The following LIN28A variants were observed in gnomAD, a reference collection of about 807,000 sequenced individuals.
LIN28A encodes protein lin-28 homolog A.
LIN28A carries 11 observed loss-of-function variants against 21.1 expected under a neutral mutation model. The ratio of observed to expected loss-of-function variants is 0.52; its 90% CI spans 0.33 to 0.86. The LOEUF is 0.86. LIN28A is among the 40% of genes least tolerant of loss of function. LIN28A has a pLI of 0.03. For synonymous variants in LIN28A, 111 were observed against 108.7 expected, an observed-to-expected ratio of 1.02 and a Z score of -0.13; for missense variants, 219 against 279.8, an observed-to-expected ratio of 0.78 and a Z score of 1.55.
chr1:26,411,121 A>G lies in LIN28A; in HGVS notation c.31+199A>G, dbSNP rs887216411. Among the ~76,000 whole-genome samples the G allele has an allele frequency of 6.6e-6, 1 of 152,052 alleles. No homozygotes were observed. The highest frequency in any genetic ancestry group is 2.4e-5 in the African/African-American group (1 of 41,384). ...CGCGCCAGACTACGTGGGTGGATGG[A>G]GAGGAGAGGCTTGTCCCGCCGTGAG... is the stretch of plus-strand genomic sequence containing the variant. On this transcript the variant is annotated intron_variant, in intron 1 of 3. Coordinates refer to ENST00000326279, the MANE Select transcript of LIN28A (RefSeq NM_024674.6). The surrounding 1 kb of genome is among the most constrained non-coding windows in gnomAD (Gnocchi z 5.4).
At chr1:26,413,891 G>A (rs2074977833) in intron 2 of LIN28A, among the ~76,000 whole-genome samples, 1 of 137,988 alleles carries the variant, frequency 7.2e-6, no homozygotes, top group Non-Finnish European at 1.5e-5. Flanking sequence ...GCAATGGCAT[G>A]ATCTCCACTC....
chr1:26,419,252 G>A (rs1279577017), intron 2 of LIN28A, among the ~76,000 whole-genome samples: 1 of 151,762 alleles, frequency 6.6e-6, no homozygotes, highest in Non-Finnish European at 1.5e-5. Flanking sequence ...TTTAGAAAGG[G>A]GCGGGGGAGG....
At chr1:26,412,635 C>T (rs916847614) in intron 2 of LIN28A, among the ~76,000 whole-genome samples, 1 of 151,466 alleles carries the variant, frequency 6.6e-6, no homozygotes, top group Non-Finnish European at 1.5e-5. Context: ...ACACCCAGGC[C>T]GGGCAGGGAG....
In LIN28A at chr1:26,426,414, G is replaced by A. The variant is rs1445217694; in HGVS notation, c.586G>A (p.Glu196Lys). The A allele has an allele frequency of 2.5e-6, 4 of 1,614,240 alleles. No homozygotes were observed. Among genetic ancestry groups the A allele is most frequent in the African/African-American group, 2.7e-5 (2 of 75,070 alleles). The change falls in exon 4 of 4, where the codon GAA (glutamate) becomes AAA (lysine). Residue 196 changes from glutamate (E) to lysine (K), a missense_variant. Coordinates refer to ENST00000326279, the MANE Select transcript of LIN28A (RefSeq NM_024674.6). ...GCCAACCTACTTTCGAGAGGAAGAA[G>A]AAGAAATCCACAGCCCTACCCTGCT... ...GKPTYFREEE[E>K]EIHSPTLLPE...
rs2075069605 is a variant in LIN28A at position 26,427,990 on chromosome 1, G to C, written c.*1532G>C. The C allele has an allele frequency of 6.6e-6, 1 of 152,624 alleles. No homozygotes were observed. The highest frequency in any genetic ancestry group is 2.1e-4 in the South Asian group (1 of 4,830). The allele number at this position is 152,624 out of a possible 1,614,324, so 9.5% of individuals were successfully genotyped here. On this transcript the variant is annotated 3_prime_UTR_variant, in exon 4 of 4. Coordinates refer to ENST00000326279, the MANE Select transcript of LIN28A (RefSeq NM_024674.6). ...GTGTTGAAACGGGACAAATGCAATA[G>C]AACGCATTGGGTGGTGTGTGTCTGA...
chr1:26,418,471 G>A (rs1371550418), intron 2 of LIN28A, among the ~76,000 whole-genome samples: 11 of 151,970 alleles, frequency 7.2e-5, no homozygotes, highest in African/African-American at 2.2e-4. Context: ...GCGTGAACCC[G>A]GGAGGCGGAG....
chr1:26,413,797 T>TTTTG (rs150759689), intron 2 of LIN28A, among the ~76,000 whole-genome samples: 225 of 143,398 alleles, frequency 1.6e-3, no homozygotes, highest in Middle Eastern at 8.0e-3. Context: ...GCACTTGTTT[T>TTTTG]TTTGTTTGTT....
intron 2 of LIN28A, among the ~76,000 whole-genome samples, chr1:26,423,141 G>A (rs1324623901): frequency 2.0e-5 from 3 of 151,948 alleles, no homozygotes; most frequent in Non-Finnish European, 2.9e-5. Context: ...CTGCCTCCCG[G>A]GTTCAAACAA....
rs1302233524 is a variant in LIN28A at position 26,426,909 on chromosome 1, A to C, written c.*451A>C. On this transcript the variant is annotated 3_prime_UTR_variant, in exon 4 of 4. Transcript: ENST00000326279. ...CAGGAGTAAGCATTGTTTTTTTTTC[A>C]CATCTTGTATCCTCATACCCACTTT... 1.7e-5 allele frequency: 3 copies of C among 180,094 alleles called. No individual in the cohort carries two copies. Among genetic ancestry groups the C allele is most frequent in the Non-Finnish European group, 3.6e-5 (3 of 84,462 alleles). 11.2% of individuals were successfully genotyped at this position (180,094 alleles called of 1,614,324 possible).
At chr1:26,422,252 C>T (rs750436381) in intron 2 of LIN28A, among the ~76,000 whole-genome samples, 13 of 152,060 alleles carry the variant, frequency 8.5e-5, no homozygotes, top group Non-Finnish European at 1.5e-4. Flanking sequence ...TCAAGCAATC[C>T]GCCCATCTTG....
chr1:26,416,291 C>A (rs764510097), intron 2 of LIN28A, among the ~76,000 whole-genome samples: 1 of 152,124 alleles, frequency 6.6e-6, no homozygotes, highest in Non-Finnish European at 1.5e-5. Context: ...TGATGCCCGG[C>A]GACAGTGTAA....
At position 26,411,497 on chromosome 1, in the gene LIN28A, A is replaced by G; in HGVS notation, c.143A>G (p.Asn48Ser). 1 of 1,614,116 alleles carries G rather than the reference A, an allele frequency of 6.2e-7. No individual in the cohort carries two copies. The highest frequency in any genetic ancestry group is 8.5e-7 in the Non-Finnish European group (1 of 1,180,012). The change falls in exon 2 of 4, where the codon AAC (asparagine) becomes AGC (serine). Residue 48 changes from asparagine (N) to serine (S), a missense_variant. Transcript: ENST00000326279. The surrounding 1 kb of genome is among the most constrained non-coding windows in gnomAD (Gnocchi z 5.4). ...GGTGCGGGCATCTGTAAGTGGTTCA[A>G]CGTGCGCATGGGGTTCGGCTTCCTG... Reference protein sequence around the residue: ...LHGAGICKWFNVRMGFGFLSM... With the variant: ...LHGAGICKWFSVRMGFGFLSM...
chr1:26,419,121 G>A (rs1032618451), intron 2 of LIN28A, among the ~76,000 whole-genome samples: 1 of 152,094 alleles, frequency 6.6e-6, no homozygotes, highest in Non-Finnish European at 1.5e-5. Flanking sequence ...GTGTGGTTGG[G>A]GGTGGAATGG....
intron 2 of LIN28A, among the ~76,000 whole-genome samples, chr1:26,416,151 C>A (rs2074991882): frequency 6.6e-6 from 1 of 152,220 alleles, no homozygotes; most frequent in East Asian, 1.9e-4. Context: ...CACCACCACA[C>A]CCAGCTAATT....
At chr1:26,414,031 G>A (rs113083150) in intron 2 of LIN28A, among the ~76,000 whole-genome samples, 2,535 of 152,082 alleles carry the variant, frequency 0.017, 32 homozygotes, top group African/African-American at 0.034. Context: ...GTTTCTGCAC[G>A]TTGGTCAGGC....
intron 2 of LIN28A, among the ~76,000 whole-genome samples, chr1:26,422,636 T>C (rs187389861): frequency 6.0e-4 from 91 of 152,296 alleles, no homozygotes; most frequent in African/African-American, 1.9e-3. Context: ...TTAGAAGATA[T>C]GTGTGTCCCA....
At chr1:26,420,320 T>C (rs140298758) in intron 2 of LIN28A, among the ~76,000 whole-genome samples, 4 of 152,136 alleles carry the variant, frequency 2.6e-5, no homozygotes, top group African/African-American at 9.6e-5. Context: ...AGAGAGGTAT[T>C]GCACCCGGCC....
chr1:26,416,627 A>AT (rs1557761459), intron 2 of LIN28A, among the ~76,000 whole-genome samples: 5 of 150,800 alleles, frequency 3.3e-5, no homozygotes, highest in Admixed American at 2.6e-4. Flanking sequence ...GAGGTTTTTT[A>AT]TTTTTTTTGA....
intron 2 of LIN28A, among the ~76,000 whole-genome samples, chr1:26,413,442 C>G (rs11578260): frequency 0.13 from 20,046 of 152,114 alleles, 1,733 homozygotes; most frequent in Middle Eastern, 0.22. Context: ...ACCTTAGGAT[C>G]TAGAGCAATT....
Sources: gnomAD v4.1 joint callset for allele counts (sites outside exome capture counted in the v4.1 genomes callset) on GRCh38, gnomAD v4.1.1 for gene constraint, Gnocchi (gnomAD v3.1) non-coding constraint, MANE v1.5 for transcripts, NCBI Gene and HGNC (gene_info 2026-07-23, HGNC 2026-07-21) for gene names.